LRRFIP1: variants seen among roughly 807,000 people sequenced by gnomAD.
LRRFIP1 encodes leucine-rich repeat flightless-interacting protein 1.
A neutral mutation model predicts 104.4 loss-of-function variants in LRRFIP1; 62 were observed. The ratio of observed to expected loss-of-function variants is 0.59; its 90% CI spans 0.48 to 0.73. The LOEUF (loss-of-function observed/expected upper bound fraction) is 0.73. LRRFIP1 is among the 30% of genes least tolerant of loss of function. The pLI, the probability that LRRFIP1 is intolerant of heterozygous loss-of-function variation, is 0.00. For synonymous variants in LRRFIP1, 300 were observed against 299.0 expected, an observed-to-expected ratio of 1.00 and a Z score of -0.03; for missense variants, 796 against 824.5, an observed-to-expected ratio of 0.97 and a Z score of 0.42.
rs542151441 is a variant in LRRFIP1, at chr2:237,737,462, A to G, written c.556-1770A>G. Among the ~76,000 whole-genome samples, 5 of 152,324 alleles carry G rather than the reference A, an allele frequency of 3.3e-5. No individual in the cohort carries two copies. In the South Asian group the frequency reaches 1.0e-3, roughly 32 times the overall value. On this transcript the variant is annotated intron_variant, in intron 10 of 23. Transcript: ENST00000308482. ...TAAGGTGCACGTGGACCGTGGCGATATAGACTTTCACTTTGTTCTTTTCTG... is the reference window on the plus strand; with the variant it reads ...TAAGGTGCACGTGGACCGTGGCGATGTAGACTTTCACTTTGTTCTTTTCTG...
At chr2:237,775,548 C>G (rs115384048) in intron 23 of LRRFIP1, among the ~76,000 whole-genome samples, 2 of 152,280 alleles carry the variant, frequency 1.3e-5, no homozygotes, top group Non-Finnish European at 1.5e-5. Context: ...TAGGATCACT[C>G]GGGCCGGGCG....
intron 1 of LRRFIP1, among the ~76,000 whole-genome samples, chr2:237,654,473 A>G (rs2086457891): frequency 6.6e-6 from 1 of 152,230 alleles, no homozygotes; most frequent in African/African-American, 2.4e-5. Flanking sequence ...GAAAATTAAG[A>G]AGAAAACTAC....
intron 1 of LRRFIP1, among the ~76,000 whole-genome samples, chr2:237,652,803 G>A (rs970818057): frequency 3.3e-5 from 5 of 152,212 alleles, no homozygotes; most frequent in Non-Finnish European, 5.9e-5. Flanking sequence ...AGCCATGATC[G>A]TGCCACTGCA....
At chr2:237,746,841 G>A (rs3754717) in intron 11 of LRRFIP1, among the ~76,000 whole-genome samples, 22,224 of 152,180 alleles carry the variant, frequency 0.15, 1,958 homozygotes, top group East Asian at 0.33. Context: ...TGGGTCCTTA[G>A]CAGCTGTGGC....
At chr2:237,741,591 G>T (rs2057084823) in intron 11 of LRRFIP1, among the ~76,000 whole-genome samples, 1 of 152,176 alleles carries the variant, frequency 6.6e-6, no homozygotes, top group Admixed American at 6.5e-5. Flanking sequence ...ACTTTGGGAG[G>T]CTGAGGCAGG....
chr2:237,674,015 T>C (rs2090762901), intron 1 of LRRFIP1, among the ~76,000 whole-genome samples: 1 of 152,048 alleles, frequency 6.6e-6, no homozygotes, highest in Non-Finnish European at 1.5e-5. Flanking sequence ...TACACATGAG[T>C]CTGGGCACAG....
intron 1 of LRRFIP1, among the ~76,000 whole-genome samples, chr2:237,659,840 T>C (rs2087532646): frequency 6.6e-6 from 1 of 151,912 alleles, no homozygotes; most frequent in African/African-American, 2.4e-5. Context: ...GGTCTCACTA[T>C]CTTACCCAGC....
chr2:237,779,548 A>C lies in LRRFIP1; in HGVS notation c.*16A>C. 6.3e-7 allele frequency: 1 copy of C among 1,599,730 alleles called. No homozygotes were observed. Among genetic ancestry groups the C allele is most frequent in the Non-Finnish European group, 8.6e-7 (1 of 1,167,372 alleles). On this transcript the variant is annotated 3_prime_UTR_variant, in exon 24 of 24. Transcript: ENST00000308482. Reference sequence around the variant, plus strand: ...CCAGCAGTAAATTCCAGCTCTGATCAGGCAACTGGTTGGTGACTGGAGAGC... The same window carrying C: ...CCAGCAGTAAATTCCAGCTCTGATCCGGCAACTGGTTGGTGACTGGAGAGC...
At chr2:237,718,783 C>G (rs1236895831) in intron 4 of LRRFIP1, among the ~76,000 whole-genome samples, 1 of 152,158 alleles carries the variant, frequency 6.6e-6, no homozygotes, top group African/African-American at 2.4e-5. Flanking sequence ...GTTCGCTCTT[C>G]AGATATACAG....
intron 15 of LRRFIP1, among the ~76,000 whole-genome samples, chr2:237,755,523 CACTGTAGAT>C (rs1289190002): frequency 1.3e-5 from 2 of 152,240 alleles, no homozygotes; most frequent in Non-Finnish European, 1.5e-5. Flanking sequence ...GCTCTTGCTT[CACTGTAGAT>C]AAGAAATCAG....
intron 2 of LRRFIP1, 52 bp downstream of exon 2, chr2:237,708,682 G>GC (rs1559619128): frequency 6.5e-7 from 1 of 1,548,272 alleles, no homozygotes; most frequent in East Asian, 2.4e-5. Flanking sequence ...TGCGTGCTGG[G>GC]CCCAGGGTGC....
In LRRFIP1 at chr2:237,649,238, G is replaced by A. The variant is rs62183620; in HGVS notation, c.96+21498G>A. 0.13 allele frequency among the ~76,000 whole-genome samples: 19,642 copies of A among 149,610 alleles called. 1,969 individuals carry two copies. The highest frequency in any genetic ancestry group is 0.2 in the Non-Finnish European group (13,663 of 67,364). On this transcript the variant is annotated intron_variant, in intron 1 of 23. Coordinates refer to ENST00000308482, the MANE Select transcript of LRRFIP1 (RefSeq NM_001137550.2). The surrounding 1 kb of genome is among the most constrained non-coding windows in gnomAD (Gnocchi z 4.1). ...CCCACCCACAGCTGTGCCCAGCTAC[G>A]AACACTGTAGGCCGGGCGCGATGGC... is the stretch of plus-strand genomic sequence containing the variant.
intron 19 of LRRFIP1, chr2:237,762,976 G>T: frequency 6.2e-7 from 1 of 1,614,252 alleles, no homozygotes; most frequent in African/African-American, 1.3e-5. Context: ...ACCACACAGA[G>T]AATGTGGGAG....
chr2:237,763,629 G>C (rs376238868), intron 19 of LRRFIP1: 6 of 1,613,900 alleles, frequency 3.7e-6, no homozygotes, highest in Non-Finnish European at 5.1e-6. Context: ...GCAGAAAGCA[G>C]TGAAAATGTT....
intron 19 of LRRFIP1, among the ~76,000 whole-genome samples, chr2:237,767,108 C>T (rs925510773): frequency 4.6e-5 from 7 of 151,900 alleles, no homozygotes; most frequent in Admixed American, 4.6e-4. Context: ...CCTGGGAGGT[C>T]GAGGCTGCAG....
At chr2:237,751,530 T>TAA (rs1559785822) in intron 14 of LRRFIP1, among the ~76,000 whole-genome samples, 1 of 152,208 alleles carries the variant, frequency 6.6e-6, no homozygotes, top group African/African-American at 2.4e-5. Flanking sequence ...GCCTTAGACT[T>TAA]ACCATCCTTC....
At chr2:237,753,741 G>A (rs2058910710) in intron 15 of LRRFIP1, among the ~76,000 whole-genome samples, 2 of 146,308 alleles carry the variant, frequency 1.4e-5, no homozygotes, top group East Asian at 2.1e-4. Flanking sequence ...GCAGTGAGCT[G>A]TGTTGACACC....
intron 20 of LRRFIP1, chr2:237,770,553 G>C (rs1389829891): frequency 6.5e-6 from 1 of 152,916 alleles, no homozygotes; most frequent in Non-Finnish European, 1.5e-5. Context: ...TAGCACTTTG[G>C]GAGGCCAAGG....
chr2:237,765,961 A>G (rs1171512665), intron 19 of LRRFIP1: 3 of 969,682 alleles, frequency 3.1e-6, no homozygotes, highest in African/African-American at 3.5e-5. Flanking sequence ...GAGTCTGACT[A>G]CTGTTGTATG....
Sources: gnomAD v4.1 joint callset for allele counts (sites outside exome capture counted in the v4.1 genomes callset) on GRCh38, gnomAD v4.1.1 for gene constraint, Gnocchi (gnomAD v3.1) non-coding constraint, MANE v1.5 for transcripts, NCBI Gene and HGNC (gene_info 2026-07-23, HGNC 2026-07-21) for gene names.